Variants in MELTF observed in about 807,000 individuals in gnomAD.
MELTF encodes antigen p97 (melanoma associated) identified by monoclonal antibodies 133.2 and 96.5.
A neutral mutation model predicts 83.7 loss-of-function variants in MELTF; 67 were observed. That is an observed-to-expected ratio of 0.80 (90% confidence interval 0.66 to 0.98). The LOEUF is 0.98. Ranked by LOEUF, MELTF falls within the 50% of genes least tolerant of loss-of-function variation. MELTF has a pLI of 0.00. For missense variants in MELTF, 1,002 were observed against 1,035.6 expected (o/e 0.97, Z 0.44); for synonymous variants, 462 against 447.6 (o/e 1.03, Z -0.41).
rs1253634335 is a variant in MELTF, at chr3:197,029,809, C to T, written c.-107G>A. On this transcript the variant is annotated 5_prime_UTR_variant, in exon 1 of 16. Transcript: ENST00000296350. This position sits in a 1 kb window ranked among gnomAD's most constrained non-coding sequence, Gnocchi z 6.5. The stretch of plus-strand genomic sequence containing the variant: ...CTCCCCCTCGCGCTGGCCCGAGCTC[C>T]TTAAGTGCGGCCGCGAGTTCCCGGG... 4 of 797,078 alleles carry T rather than the reference C, an allele frequency of 5.0e-6. No homozygotes were observed. In the East Asian group the frequency reaches 1.4e-4, roughly 27 times the overall value. 49.4% of individuals were successfully genotyped at this position (797,078 alleles called of 1,614,324 possible).
In MELTF at chr3:197,006,855, G is replaced by C; in HGVS notation, c.1751-119C>G. 2.2e-6 allele frequency: 2 copies of C among 919,580 alleles called. No individual in the cohort carries two copies. Among genetic ancestry groups the C allele is most frequent in the Non-Finnish European group, 3.1e-6 (2 of 655,584 alleles). The allele number at this position is 919,580 out of a possible 1,614,324, so 57.0% of individuals were successfully genotyped here. ...ACAGGGAGGTGGCAACATCTGGCCA[G>C]CTCCCCAACCCTCTCCATTCTCCAC... is the stretch of plus-strand genomic sequence containing the variant. On this transcript the variant is annotated intron_variant, in intron 13 of 15. Coordinates refer to ENST00000296350, the MANE Select transcript of MELTF (RefSeq NM_005929.6). The surrounding 1 kb of genome is among the most constrained non-coding windows in gnomAD (Gnocchi z 5.4).
At position 197,008,925 on chromosome 3, in the gene MELTF, G is replaced by A. The variant is rs772829573; in HGVS notation, c.1566C>T (p.Asn522=). 6.2e-7 allele frequency: 1 copy of A among 1,613,994 alleles called. No homozygotes were observed. Among genetic ancestry groups the A allele is most frequent in the African/African-American group, 1.3e-5 (1 of 74,920 alleles). The change falls in exon 12 of 16, where the codon AAC becomes AAT. Residue 522 remains asparagine (N), a synonymous_variant. Coordinates refer to ENST00000296350, the MANE Select transcript of MELTF (RefSeq NM_005929.6). This position sits in a 1 kb window ranked among gnomAD's most constrained non-coding sequence, Gnocchi z 5.4. ...EFFNASCVPV[N]NPKNYPSSLC... is the part of the protein sequence containing the mutation. ...GCGAGGAGGGGTAGTTCTTGGGGTT[G>A]TTCACGGGCACGCAGCTGGCATTGA...
In MELTF at chr3:197,026,630, G is replaced by A. The variant is rs569354066; in HGVS notation, c.304+30C>T. On this transcript the variant is annotated intron_variant, in intron 3 of 15. Transcript: ENST00000296350. ...GGAGAGCTGACTTCCAGCGCAGGCT[G>A]TCCTCTCTCCTCCCACTGCACCCTC... 2.5e-6 allele frequency: 4 copies of A among 1,596,478 alleles called. No individual in the cohort carries two copies. In the East Asian group the frequency reaches 8.9e-5, roughly 36 times the overall value.
chr3:197,029,303 G>T lies in MELTF; in HGVS notation c.49+351C>A. ...GGCTCGGGAGAAAGAGCTGCTCCGA[G>T]CCCCCAAAGTCTTCCTGAGTTCCTG... On this transcript the variant is annotated intron_variant, in intron 1 of 15. Transcript: ENST00000296350. This position sits in a 1 kb window ranked among gnomAD's most constrained non-coding sequence, Gnocchi z 6.5. 1 of 250,136 alleles carries T rather than the reference G, an allele frequency of 4.0e-6. No homozygotes were observed. The highest frequency in any genetic ancestry group is 7.6e-6 in the Non-Finnish European group (1 of 131,384). 15.5% of individuals were successfully genotyped at this position (250,136 alleles called of 1,614,324 possible).
chr3:197,011,630 GC>G lies in MELTF; in HGVS notation c.1234-837del, dbSNP rs1055600887. ...GGGCCAGGAGGGTGCACAGCTCGGG[GC>G]CCTTTTTCCACCACTCAGACCTCCC... is the stretch of plus-strand genomic sequence containing the variant. On this transcript the variant is annotated intron_variant, in intron 9 of 15. Coordinates refer to ENST00000296350, the MANE Select transcript of MELTF (RefSeq NM_005929.6). The surrounding 1 kb of genome is among the most constrained non-coding windows in gnomAD (Gnocchi z 4.2). Among the ~76,000 whole-genome samples, 8 of 152,222 alleles carry G rather than the reference GC, an allele frequency of 5.3e-5. No individual in the cohort carries two copies. Among genetic ancestry groups the G allele is most frequent in the African/African-American group, 1.9e-4 (8 of 41,526 alleles).
rs1158269282 is a variant in MELTF, at chr3:197,029,537, C to G, written c.49+117G>C. ...CTCGACCCCGAGCCCCTGCCTCCCC[C>G]GTCTCACTGCCCCGGAGCCGCAGGC... is the stretch of plus-strand genomic sequence containing the variant. On this transcript the variant is annotated intron_variant, in intron 1 of 15. Transcript: ENST00000296350. This position sits in a 1 kb window ranked among gnomAD's most constrained non-coding sequence, Gnocchi z 6.5. 5.0e-6 allele frequency: 4 copies of G among 801,854 alleles called. No homozygotes were observed. The highest frequency in any genetic ancestry group is 6.7e-6 in the Non-Finnish European group (4 of 595,934). The allele number at this position is 801,854 out of a possible 1,614,324, so 49.7% of individuals were successfully genotyped here.
chr3:197,023,970 C>CAA, intron 4 of MELTF: 2 of 552,014 alleles, frequency 3.6e-6, no homozygotes, highest in Admixed American at 4.4e-5. Flanking sequence ...ACACAGTGAC[C>CAA]TGCGCCCGGT....
chr3:197,023,812 G>T, intron 4 of MELTF: 1 of 455,802 alleles, frequency 2.2e-6, no homozygotes, highest in Admixed American at 2.3e-5. Flanking sequence ...CACCAGCTGA[G>T]AGGGTGAGGC....
chr3:197,009,910 T>C (rs1719127373), intron 10 of MELTF, 98 bp from the exon 11 acceptor site: 1 of 1,122,494 alleles, frequency 8.9e-7, no homozygotes, highest in Non-Finnish European at 1.3e-6. Flanking sequence ...TCCTGTCTCT[T>C]TGCCTGAGCT....
rs928755356 is a variant in MELTF, at chr3:197,029,727, C to CGGGCTGGGGCT, written c.-36_-26dup. ...TGGCGCCGTCGGGGCTGGCTGGGGCCGGGCTGGGGCTGGGTCCGGGTCCGA... is the reference window on the plus strand; with the variant it reads ...TGGCGCCGTCGGGGCTGGCTGGGGCCGGGCTGGGGCTGGGCTGGGGCTGGGTCCGGGTCCGA... On this transcript the variant is annotated 5_prime_UTR_variant, in exon 1 of 16. Coordinates refer to ENST00000296350, the MANE Select transcript of MELTF (RefSeq NM_005929.6). The surrounding 1 kb of genome is among the most constrained non-coding windows in gnomAD (Gnocchi z 6.5). The CGGGCTGGGGCT allele has an allele frequency of 7.3e-6, 9 of 1,231,622 alleles. No individual in the cohort carries two copies. Among genetic ancestry groups the CGGGCTGGGGCT allele is most frequent in the South Asian group, 4.0e-5 (1 of 24,812 alleles). 76.3% of individuals were successfully genotyped at this position (1,231,622 alleles called of 1,614,324 possible). A position where few individuals can be genotyped will look rare whatever the true frequency, so the allele number is the denominator to read the frequency against.
In MELTF at chr3:197,015,383, G is replaced by GCCAA; in HGVS notation, c.1214_1215insTTGG (p.Cys406TrpfsTer9). 1 of 1,571,200 alleles carries GCCAA rather than the reference G, an allele frequency of 6.4e-7. No homozygotes were observed. The highest frequency in any genetic ancestry group is 8.6e-7 in the Non-Finnish European group (1 of 1,158,628). On this transcript the variant is annotated frameshift_variant, in exon 9 of 16. Coordinates refer to ENST00000296350, the MANE Select transcript of MELTF (RefSeq NM_005929.6). LOFTEE classifies it high-confidence loss of function. Reference sequence around the variant, plus strand: ...CTCCCACCTGGATCCGCTCCATGCAGTGTTGGGGGGACTTGGCTGACACGC... The same window carrying GCCAA: ...CTCCCACCTGGATCCGCTCCATGCAGCCAATGTTGGGGGGACTTGGCTGACACGC...
intron 14 of MELTF, 89 bp from the exon 15 acceptor site, chr3:197,004,188 T>TA: frequency 8.1e-7 from 1 of 1,236,280 alleles, no homozygotes; most frequent in Non-Finnish European, 1.2e-6. Flanking sequence ...TTGCTTTACA[T>TA]ACAGTGACCC....
At chr3:197,021,640 A>G (rs902287157) in intron 5 of MELTF, among the ~76,000 whole-genome samples, 169 bp from the exon 6 acceptor site, 1 of 152,036 alleles carries the variant, frequency 6.6e-6, no homozygotes, top group Non-Finnish European at 1.5e-5. Flanking sequence ...GCCTTTGCCG[A>G]GTTGTGGCCC....
At position 197,003,609 on chromosome 3, in the gene MELTF, C is replaced by T. The variant is rs545393446; in HGVS notation, c.2138-158G>A. The T allele has an allele frequency of 1.5e-6, 1 of 688,784 alleles. No individual in the cohort carries two copies. Among genetic ancestry groups the T allele is most frequent in the Admixed American group, 3.5e-5 (1 of 28,768 alleles). 42.7% of individuals were successfully genotyped at this position (688,784 alleles called of 1,614,324 possible). On this transcript the variant is annotated intron_variant, in intron 15 of 15. Coordinates refer to ENST00000296350, the MANE Select transcript of MELTF (RefSeq NM_005929.6). This position sits in a 1 kb window ranked among gnomAD's most constrained non-coding sequence, Gnocchi z 6.2. ...CCCCTGCTGCCCTTCCAGATGCGCT[C>T]TTTCCAGAAAGGCAGCACACGCATG...
At position 197,016,304 on chromosome 3, in the gene MELTF, A is replaced by G. The variant is rs754742327; in HGVS notation, c.966T>C (p.Asp322=). Residue 322 remains aspartate (D), a synonymous_variant, in exon 8 of 16, where the codon GAT becomes GAC. Coordinates refer to ENST00000296350, the MANE Select transcript of MELTF (RefSeq NM_005929.6). ...CCGAGGTAGAGTCTTTGAAGAGTAGATCCTTCTGGCCATAGGCCTCAGAGC... is the reference window on the plus strand; with the variant it reads ...CCGAGGTAGAGTCTTTGAAGAGTAGGTCCTTCTGGCCATAGGCCTCAGAGC... The part of the protein sequence containing the change: ...MFSSEAYGQK[D]LLFKDSTSEL... The G allele has an allele frequency of 2.5e-6, 4 of 1,612,846 alleles. No individual in the cohort carries two copies. The highest frequency in any genetic ancestry group is 3.4e-6 in the Non-Finnish European group (4 of 1,179,310).
chr3:197,019,907 T>G, intron 6 of MELTF: 1 of 1,417,678 alleles, frequency 7.1e-7, no homozygotes, highest in Non-Finnish European at 9.3e-7. Context: ...GACAGAACGG[T>G]GTGTTTGCTG....
intron 10 of MELTF, 132 bp from the exon 11 acceptor site, chr3:197,009,944 C>A: frequency 1.2e-6 from 1 of 850,196 alleles, no homozygotes; most frequent in Non-Finnish European, 1.8e-6. Context: ...AGTACCCAGG[C>A]CTGAGGCCAG....
chr3:197,012,643 G>T (rs1249650524), intron 9 of MELTF, among the ~76,000 whole-genome samples: 2 of 152,252 alleles, frequency 1.3e-5, no homozygotes, highest in Non-Finnish European at 2.9e-5. Context: ...TGACAGCCGG[G>T]GCTCTGGGCC....
chr3:197,016,811 G>T (rs80243414), intron 7 of MELTF, among the ~76,000 whole-genome samples: 1 of 88,982 alleles, frequency 1.1e-5, no homozygotes, highest in South Asian at 3.2e-4. Flanking sequence ...TTGTTACTTG[G>T]TTTATTTGCT....
Sources: allele counts gnomAD v4.1 joint callset (sites outside exome capture counted in the v4.1 genomes callset), GRCh38; gene constraint gnomAD v4.1.1; non-coding constraint Gnocchi (gnomAD v3.1); transcripts MANE v1.5; gene names NCBI Gene and HGNC (gene_info 2026-07-23, HGNC 2026-07-21).